Variants in VSIG10 observed in about 807,000 individuals in gnomAD.
VSIG10 encodes the protein V-set and immunoglobulin domain containing 10.
Under a neutral mutation model 58.7 loss-of-function variants are expected in VSIG10, and 48 were observed. The observed-to-expected ratio is 0.82, with a 90% CI of 0.65 to 1.04. The LOEUF is 1.04. VSIG10 is among the 50% of genes least tolerant of loss of function. The pLI is 0.00. For synonymous variants in VSIG10, 260 were observed against 267.1 expected (o/e 0.97, Z 0.26); for missense variants, 628 against 670.0 (o/e 0.94, Z 0.69).
At position 118,066,554 on chromosome 12, in the gene VSIG10, G is replaced by T. The variant is rs1359634366; in HGVS notation, c.*85C>A. On this transcript the variant is annotated 3_prime_UTR_variant, in exon 9 of 9. Coordinates refer to ENST00000359236, the MANE Select transcript of VSIG10 (RefSeq NM_019086.6). ...GTGCAAGCCCCCGCCAGGGGTGCAG[G>T]TGGAGTCAAAGCTGAATGAAGAGCT... The T allele has an allele frequency of 2.7e-6, 4 of 1,497,830 alleles. No individual in the cohort carries two copies. The highest frequency in any genetic ancestry group is 3.7e-6 in the Non-Finnish European group (4 of 1,074,662). 92.8% of individuals were successfully genotyped at this position (1,497,830 alleles called of 1,614,324 possible).
At chr12:118,099,245 C>T (rs1028444589) in intron 1 of VSIG10, among the ~76,000 whole-genome samples, 2 of 151,272 alleles carry the variant, frequency 1.3e-5, no homozygotes, top group East Asian at 3.9e-4. Flanking sequence ...CAGAGATACC[C>T]TGTCTCTCTT....
chr12:118,068,194 C>CTTT (rs71069404), intron 8 of VSIG10, among the ~76,000 whole-genome samples, 183 bp downstream of exon 8: 20 of 100,278 alleles, frequency 2.0e-4, no homozygotes, highest in Non-Finnish European at 2.3e-4. Context: ...GCTAATTTTT[C>CTTT]TTTTTTTTTT....
rs1593482129 is a variant in VSIG10, at chr12:118,064,609, C to T, written c.*2030G>A. On this transcript the variant is annotated 3_prime_UTR_variant, in exon 9 of 9. Transcript: ENST00000359236. ...AGCTGAGTATCTCATTCTAAAATGACACTGATTTACACTGTTGAGAATGGT... is the reference window on the plus strand; with the variant it reads ...AGCTGAGTATCTCATTCTAAAATGATACTGATTTACACTGTTGAGAATGGT... 6.6e-6 allele frequency: 1 copy of T among 152,070 alleles called. No individual in the cohort carries two copies. The highest frequency in any genetic ancestry group is 1.5e-5 in the Non-Finnish European group (1 of 68,038). 9.4% of individuals were successfully genotyped at this position (152,070 alleles called of 1,614,324 possible). A position where few individuals can be genotyped will look rare whatever the true frequency, so the allele number is the denominator to read the frequency against.
At position 118,064,520 on chromosome 12, in the gene VSIG10, G is replaced by A. The variant is rs1346993010; in HGVS notation, c.*2119C>T. The A allele has an allele frequency of 6.7e-6, 1 of 149,934 alleles. No homozygotes were observed. The highest frequency in any genetic ancestry group is 1.5e-5 in the Non-Finnish European group (1 of 67,844). The allele number at this position is 149,934 out of a possible 1,614,324, so 9.3% of individuals were successfully genotyped here. A position where few individuals can be genotyped will look rare whatever the true frequency, so the allele number is the denominator to read the frequency against. ...TCTGAGTAGTAGACTCTTCAATTCT[G>A]GAATTTGGTTGCCGAAGACTCTAAA... On this transcript the variant is annotated 3_prime_UTR_variant, in exon 9 of 9. Coordinates refer to ENST00000359236, the MANE Select transcript of VSIG10 (RefSeq NM_019086.6).
chr12:118,069,404 T>C (rs979941308), intron 7 of VSIG10, among the ~76,000 whole-genome samples: 3 of 135,658 alleles, frequency 2.2e-5, no homozygotes, highest in Non-Finnish European at 3.0e-5. Context: ...GGACTGTGCA[T>C]TTCTTCTTCT....
chr12:118,092,105 G>A (rs996623003), intron 2 of VSIG10, among the ~76,000 whole-genome samples: 2 of 151,520 alleles, frequency 1.3e-5, no homozygotes, highest in Non-Finnish European at 2.9e-5. Flanking sequence ...GTAGCCCAGG[G>A]TGGAGTACAG....
At chr12:118,075,144 GTGTATATGTATATATATGTA>G (rs1157983616) in intron 4 of VSIG10, among the ~76,000 whole-genome samples, 10 of 133,512 alleles carry the variant, frequency 7.5e-5, no homozygotes, top group African/African-American at 3.0e-4. Flanking sequence ...ATGTATATAT[GTGTATATGTATATATATGTA>G]TATATATGTA....
intron 2 of VSIG10, among the ~76,000 whole-genome samples, chr12:118,087,310 C>T (rs2033155827): frequency 6.6e-6 from 1 of 151,736 alleles, no homozygotes; most frequent in African/African-American, 2.4e-5. Flanking sequence ...CTACAGAAAA[C>T]CTGACCTCCT....
chr12:118,082,884 A>T (rs888638949), intron 2 of VSIG10, among the ~76,000 whole-genome samples: 1 of 151,572 alleles, frequency 6.6e-6, no homozygotes, highest in Admixed American at 6.6e-5. Flanking sequence ...AGGCCAAGGC[A>T]GGTGGACCAC....
rs1347178473 is a variant in VSIG10 at position 118,064,825 on chromosome 12, C to T, written c.*1814G>A. The T allele has an allele frequency of 2.0e-5, 3 of 152,186 alleles. No homozygotes were observed. Among genetic ancestry groups the T allele is most frequent in the African/African-American group, 7.2e-5 (3 of 41,436 alleles). 9.4% of individuals were successfully genotyped at this position (152,186 alleles called of 1,614,324 possible). A position where few individuals can be genotyped will look rare whatever the true frequency, so the allele number is the denominator to read the frequency against. Reference sequence around the variant, plus strand: ...TTCATCCAAGAAAACAGACCTTCCCCAACCACACCTGCAGGGTTACTTCAG... The same window carrying T: ...TTCATCCAAGAAAACAGACCTTCCCTAACCACACCTGCAGGGTTACTTCAG... On this transcript the variant is annotated 3_prime_UTR_variant, in exon 9 of 9. Transcript: ENST00000359236.
At chr12:118,086,924 C>A (rs2033144008) in intron 2 of VSIG10, among the ~76,000 whole-genome samples, 1 of 152,018 alleles carries the variant, frequency 6.6e-6, no homozygotes, top group African/African-American at 2.4e-5. Context: ...CCACGCCCAG[C>A]TAATTTTTTT....
At chr12:118,088,238 C>T (rs1450004280) in intron 2 of VSIG10, among the ~76,000 whole-genome samples, 1 of 120,824 alleles carries the variant, frequency 8.3e-6, no homozygotes, top group African/African-American at 3.3e-5. Context: ...GACTGTGTCT[C>T]AGAAAAAAAA....
chr12:118,081,159 T>C (rs1352172193), intron 3 of VSIG10, among the ~76,000 whole-genome samples: 1 of 151,748 alleles, frequency 6.6e-6, no homozygotes, highest in South Asian at 2.1e-4. Context: ...GAGAACTGAA[T>C]TGCTTGAACC....
intron 2 of VSIG10, among the ~76,000 whole-genome samples, chr12:118,089,171 A>G (rs2033222397): frequency 6.6e-6 from 1 of 151,500 alleles, no homozygotes; most frequent in Non-Finnish European, 1.5e-5. Context: ...CTGGTCTCAA[A>G]CTCCTGACCT....
At chr12:118,096,239 G>A (rs1208437785) in intron 1 of VSIG10, among the ~76,000 whole-genome samples, 1 of 151,128 alleles carries the variant, frequency 6.6e-6, no homozygotes, top group African/African-American at 2.4e-5. Flanking sequence ...TCAAGACATC[G>A]AGACCATCCT....
chr12:118,067,864 T>C (rs1307819562), intron 8 of VSIG10, among the ~76,000 whole-genome samples: 1 of 152,134 alleles, frequency 6.6e-6, no homozygotes, highest in Non-Finnish European at 1.5e-5. Context: ...AGGACCTTGA[T>C]AAGTGTTTGT....
At chr12:118,068,194 CT>C (rs71069404) in intron 8 of VSIG10, among the ~76,000 whole-genome samples, 182 bp downstream of exon 8, 3,675 of 100,274 alleles carry the variant, frequency 0.037, 108 homozygotes, top group African/African-American at 0.11. Context: ...GCTAATTTTT[CT>C]TTTTTTTTTT....
rs1385436988 is a variant in VSIG10, at chr12:118,071,455, C to T, written c.1234G>A (p.Gly412Arg). 5.0e-6 allele frequency: 8 copies of T among 1,613,770 alleles called. No individual in the cohort carries two copies. The highest frequency in any genetic ancestry group is 1.7e-5 in the Admixed American group (1 of 59,984). ...CTCACAATGGTTCCCACAATCCCCC[C>T]GATATTTAAAGGTTCTGTAAAGACA... The part of the protein sequence containing the change: ...WLSVKEPLNI[G>R]GIVGTIVSLL... The change falls in exon 6 of 9, where the codon GGG becomes AGG. Residue 412 changes from glycine to arginine, a missense_variant. Physicochemically the swap from Gly to Arg is moderately radical, Grantham distance 125. Coordinates refer to ENST00000359236, the MANE Select transcript of VSIG10 (RefSeq NM_019086.6).
intron 2 of VSIG10, among the ~76,000 whole-genome samples, chr12:118,092,094 TG>T (rs2033316559): frequency 6.6e-6 from 1 of 152,090 alleles, no homozygotes; most frequent in Non-Finnish European, 1.5e-5. Flanking sequence ...GATCTCACTC[TG>T]TAGCCCAGGG....
Sources: allele counts gnomAD v4.1 joint callset (sites outside exome capture counted in the v4.1 genomes callset), GRCh38; gene constraint gnomAD v4.1.1; transcripts MANE v1.5; gene names NCBI Gene and HGNC (gene_info 2026-07-23, HGNC 2026-07-21).